Variants in ACYP2 observed in about 807,000 individuals in gnomAD.
ACYP2 encodes the protein acylphosphatase 2.
Under a neutral mutation model 11.2 loss-of-function variants are expected in ACYP2, and 12 were observed. The ratio of observed to expected loss-of-function variants is 1.08; its 90% confidence interval spans 0.69 to 1.74. The LOEUF (loss-of-function observed/expected upper bound fraction) is 1.74. Ranked by LOEUF, ACYP2 falls within the 40% of genes most tolerant of loss-of-function variation. ACYP2 has a pLI of 0.00. For synonymous variants in ACYP2, 43 were observed against 32.2 expected (o/e 1.33, Z -1.13); for missense variants, 134 against 101.9 (o/e 1.31, Z -1.35).
chr2:54,134,085 A>G (rs1201839138), intron 4 of ACYP2, among the ~76,000 whole-genome samples: 2 of 152,222 alleles, frequency 1.3e-5, no homozygotes, highest in African/African-American at 4.8e-5. Context: ...TGTAATCTAC[A>G]CTATAGAGAT....
chr2:54,207,197 G>GTGTGTGTGTGTGTGTA (rs1685111230), intron 6 of ACYP2, among the ~76,000 whole-genome samples: 1 of 151,516 alleles, frequency 6.6e-6, no homozygotes, highest in South Asian at 2.1e-4. Flanking sequence ...GTGTGTGTGT[G>GTGTGTGTGTGTGTGTA]TGTGTGTGTA....
chr2:54,173,457 G>A (rs900899089), intron 6 of ACYP2, among the ~76,000 whole-genome samples: 1 of 151,954 alleles, frequency 6.6e-6, no homozygotes. Context: ...TTGTCAGATG[G>A]GTAGATTGCA....
intron 4 of ACYP2, chr2:54,065,371 C>G: frequency 2.5e-6 from 1 of 397,090 alleles, no homozygotes; most frequent in African/African-American, 2.1e-5. Context: ...AATGGCTGAT[C>G]AAAATGATTT....
intron 6 of ACYP2, among the ~76,000 whole-genome samples, chr2:54,151,682 T>G (rs1682176211): frequency 6.6e-6 from 1 of 152,204 alleles, no homozygotes; most frequent in South Asian, 2.1e-4. Context: ...GCTTTAGACC[T>G]CAAATACTAA....
chr2:54,209,526 T>A (rs1038830322), intron 6 of ACYP2, among the ~76,000 whole-genome samples: 1 of 152,196 alleles, frequency 6.6e-6, no homozygotes, highest in African/African-American at 2.4e-5. Context: ...CTCATTTTCT[T>A]TGGACCAGAC....
intron 6 of ACYP2, among the ~76,000 whole-genome samples, chr2:54,140,594 TA>T (rs1315338896): frequency 6.6e-6 from 1 of 152,068 alleles, no homozygotes; most frequent in East Asian, 1.9e-4. Flanking sequence ...ATTTGCTTTT[TA>T]AAAATGGGAT....
At position 54,144,210 on chromosome 2, in the gene ACYP2, C is replaced by T. The variant is rs938420415; in HGVS notation, c.404+5462C>T. Among the ~76,000 whole-genome samples the T allele has an allele frequency of 6.6e-5, 10 of 151,466 alleles. No homozygotes were observed. In the South Asian group the frequency reaches 8.4e-4, roughly 13 times the overall value. ...CTGGTGTTGAACTTCTGAGCTCAAA[C>T]GATCCTCCTGCCTCGGCCTCCCAAA... is the stretch of plus-strand genomic sequence containing the variant. On this transcript the variant is annotated intron_variant, in intron 6 of 6. Coordinates refer to ENST00000607452, the MANE Select transcript of ACYP2 (RefSeq NM_001320586.2).
intron 6 of ACYP2, among the ~76,000 whole-genome samples, chr2:54,298,753 G>T (rs1228192210): frequency 1.3e-5 from 2 of 152,206 alleles, no homozygotes; most frequent in Non-Finnish European, 2.9e-5. Flanking sequence ...GCAGAAGCCA[G>T]AGTTCATTTG....
intron 6 of ACYP2, among the ~76,000 whole-genome samples, chr2:54,266,874 G>T (rs1330433673): frequency 6.6e-6 from 1 of 151,926 alleles, no homozygotes; most frequent in African/African-American, 2.4e-5. Flanking sequence ...CTCCCAAAGT[G>T]CTGGGATTAC....
intron 2 of ACYP2, among the ~76,000 whole-genome samples, chr2:53,977,999 C>T (rs1671576886): frequency 6.6e-6 from 1 of 152,114 alleles, no homozygotes; most frequent in African/African-American, 2.4e-5. Context: ...TGGTGGCTCA[C>T]GCCTGTAATC....
intron 2 of ACYP2, among the ~76,000 whole-genome samples, chr2:53,991,722 T>A (rs1272732950): frequency 6.6e-6 from 1 of 152,040 alleles, no homozygotes; most frequent in Non-Finnish European, 1.5e-5. Flanking sequence ...ATCTCATATA[T>A]TGATTTTACC....
chr2:54,013,365 A>G (rs1239740638), intron 2 of ACYP2, among the ~76,000 whole-genome samples: 1 of 145,094 alleles, frequency 6.9e-6, no homozygotes, highest in East Asian at 2.1e-4. Context: ...CAATGTCACA[A>G]TCTCGGCTCA....
intron 2 of ACYP2, among the ~76,000 whole-genome samples, chr2:54,004,963 C>T (rs923003146): frequency 1.3e-5 from 2 of 150,840 alleles, no homozygotes; most frequent in African/African-American, 4.9e-5. Context: ...TGATAACAGT[C>T]TAACAGTCTT....
intron 2 of ACYP2, among the ~76,000 whole-genome samples, chr2:54,009,710 T>C (rs1264351800): frequency 6.6e-6 from 1 of 152,128 alleles, no homozygotes; most frequent in Non-Finnish European, 1.5e-5. Flanking sequence ...AAGGGTCTTG[T>C]TTCAACTGGA....
At chr2:54,246,679 AC>A (rs1421766667) in intron 6 of ACYP2, among the ~76,000 whole-genome samples, 1 of 151,766 alleles carries the variant, frequency 6.6e-6, no homozygotes, top group Admixed American at 6.6e-5. Flanking sequence ...AAATTTTTAT[AC>A]CTCTAGTTTC....
intron 4 of ACYP2, among the ~76,000 whole-genome samples, chr2:54,086,212 T>C (rs528307803): frequency 6.6e-6 from 1 of 152,266 alleles, no homozygotes; most frequent in South Asian, 2.1e-4. Flanking sequence ...CCCAAAGTGC[T>C]AGGATTATAG....
At chr2:53,989,277 C>CTTTTTTTTTT (rs775237196) in intron 2 of ACYP2, among the ~76,000 whole-genome samples, 1 of 94,806 alleles carries the variant, frequency 1.1e-5, no homozygotes, top group African/African-American at 4.1e-5. Flanking sequence ...GTAGACAATT[C>CTTTTTTTTTT]TTTTTTTTTT....
In ACYP2 at chr2:54,255,994, C is replaced by T. The variant is rs368934763; in HGVS notation, c.405-48694C>T. The stretch of plus-strand genomic sequence containing the variant: ...GGGCGCGACCCCCTCCTCTGGAAGC[C>T]GGGGCGGTGGGAACACGATTGGCTC... On this transcript the variant is annotated intron_variant, in intron 6 of 6. Coordinates refer to ENST00000607452, the MANE Select transcript of ACYP2 (RefSeq NM_001320586.2). 54 of 1,614,010 alleles carry T rather than the reference C, an allele frequency of 3.3e-5. No individual in the cohort carries two copies. The South Asian group carries it at 4.3e-4, about 13-fold the overall frequency.
intron 4 of ACYP2, among the ~76,000 whole-genome samples, chr2:54,075,810 CT>C (rs1677309434): frequency 6.6e-6 from 1 of 150,790 alleles, no homozygotes; most frequent in South Asian, 2.1e-4. Flanking sequence ...AAGACTCCAT[CT>C]CAAAAAAAAA....
Sources: allele counts gnomAD v4.1 joint callset (sites outside exome capture counted in the v4.1 genomes callset), GRCh38; gene constraint gnomAD v4.1.1; transcripts MANE v1.5; gene names NCBI Gene and HGNC (gene_info 2026-07-23, HGNC 2026-07-21).